LAMA1: variants seen among roughly 807,000 people sequenced by gnomAD.
LAMA1 encodes laminin subunit alpha 1, also known as laminin subunit alpha-1.
A neutral mutation model predicts 348.7 loss-of-function variants in LAMA1; 219 were observed. The ratio of observed to expected loss-of-function variants is 0.63; its 90% confidence interval spans 0.56 to 0.70. LAMA1 has a LOEUF of 0.70. LAMA1 is among the 30% of genes least tolerant of loss of function. The pLI, the probability that LAMA1 is intolerant of heterozygous loss-of-function variation, is 0.00. For missense variants in LAMA1, 3,744 were observed against 3,888.0 expected, an observed-to-expected ratio of 0.96 and a Z score of 0.99; for synonymous variants, 1,487 against 1,491.0, an observed-to-expected ratio of 1.00 and a Z score of 0.06.
In LAMA1 at chr18:6,943,383, T is replaced by C. The variant is rs747807055; in HGVS notation, c.8864A>G (p.Asn2955Ser). ...TGCAGCTGTTATCCTGCCAGCACCA[T>C]TGTTGACATGGAACAAGACCTAAAA... ...VDGKVLFHVN[N>S]GAGRITAAYE... The change falls in exon 62 of 63, where the codon AAT (asparagine) becomes AGT (serine). Residue 2955 changes from asparagine to serine, a missense_variant. Physicochemically the swap from Asn to Ser is conservative, Grantham distance 46. Coordinates refer to ENST00000389658, the MANE Select transcript of LAMA1 (RefSeq NM_005559.4). 1.9e-6 allele frequency: 3 copies of C among 1,614,138 alleles called. No homozygotes were observed. The highest frequency in any genetic ancestry group is 1.3e-5 in the African/African-American group (1 of 75,024).
intron 1 of LAMA1, among the ~76,000 whole-genome samples, chr18:7,099,118 T>C (rs1344358831): frequency 2.0e-5 from 3 of 151,848 alleles, no homozygotes; most frequent in African/African-American, 4.8e-5. Context: ...TTTTGTTCTG[T>C]ACTAAGATAA....
Position 6,982,591 on chromosome 18 carries a change from C to G in LAMA1, c.5797-1G>C. ...CGTTAGAAACAAGGGATTCTGAGAG[C>G]TGGAAAACAGAACCACTTAAGCGTG... is the stretch of plus-strand genomic sequence containing the variant. On this transcript the variant is annotated splice_acceptor_variant, in intron 40 of 62. Coordinates refer to ENST00000389658, the MANE Select transcript of LAMA1 (RefSeq NM_005559.4). LOFTEE classifies it high-confidence loss of function. 1 of 1,613,956 alleles carries G rather than the reference C, an allele frequency of 6.2e-7. No individual in the cohort carries two copies. Among genetic ancestry groups the G allele is most frequent in the Non-Finnish European group, 8.5e-7 (1 of 1,179,866 alleles).
At chr18:7,060,686 G>A (rs1363453515) in intron 3 of LAMA1, among the ~76,000 whole-genome samples, 1 of 152,144 alleles carries the variant, frequency 6.6e-6, no homozygotes, top group Non-Finnish European at 1.5e-5. Flanking sequence ...AACGTAAATA[G>A]TAACCCATGA....
chr18:7,044,761 A>C lies in LAMA1; in HGVS notation c.937T>G (p.Trp313Gly). 1 of 1,614,214 alleles carries C rather than the reference A, an allele frequency of 6.2e-7. No individual in the cohort carries two copies. Among genetic ancestry groups the C allele is most frequent in the East Asian group, 2.2e-5 (1 of 44,876 alleles). The change falls in exon 7 of 63, where the codon TGG becomes GGG. Residue 313 changes from tryptophan to glycine, a missense_variant. Trp to Gly is a radical substitution (Grantham distance 184). This residue lies in a region of LAMA1 where 1,529 missense variants were observed against 1,689.4 expected (regional missense o/e 0.91). Transcript: ENST00000389658. ...CCGGAGGACACGGTTCCCGGCCTCCAGGGCTGCTGATGGTACCCAGGACAG... is the reference window on the plus strand; with the variant it reads ...CCGGAGGACACGGTTCCCGGCCTCCCGGGCTGCTGATGGTACCCAGGACAG... ...RCCPGYHQQP[W>G]RPGTVSSGNT...
chr18:6,986,144 T>C lies in LAMA1; in HGVS notation c.5372A>G (p.Glu1791Gly), dbSNP rs1235944672. The C allele has an allele frequency of 6.2e-7, 1 of 1,614,140 alleles. No individual in the cohort carries two copies. Among genetic ancestry groups the C allele is most frequent in the South Asian group, 1.1e-5 (1 of 91,078 alleles). The change falls in exon 37 of 63, where the codon GAA (glutamate) becomes GGA (glycine). Residue 1791 changes from glutamate (E) to glycine (G), a missense_variant. Glu to Gly is a moderately conservative substitution (Grantham distance 98). Transcript: ENST00000389658. ...AGAGCAAGTGAGACTCACACTGAAT[T>C]CTCTCAGATTAGCATTGACCATGAG... ...LLLMVNANLREFSDKKLHVQE... is the reference protein window; with the variant it reads ...LLLMVNANLRGFSDKKLHVQE...
At chr18:6,982,069 C>A (rs1319997896) in intron 41 of LAMA1, among the ~76,000 whole-genome samples, 3 of 152,040 alleles carry the variant, frequency 2.0e-5, no homozygotes, top group Non-Finnish European at 4.4e-5. Context: ...TAAATGAGAA[C>A]CTACCATGAG....
In LAMA1 at chr18:6,959,372, CT is replaced by C. The variant is rs1441754934; in HGVS notation, c.7746del (p.Ala2583ArgfsTer25). On this transcript the variant is annotated frameshift_variant, in exon 54 of 63. Coordinates refer to ENST00000389658, the MANE Select transcript of LAMA1 (RefSeq NM_005559.4). LOFTEE classifies it high-confidence loss of function. ...HAPTGTCSDG[Q>X]AHSISLVRNR... ...TTCCTGACCAAGGAGATGGAATGCG[CT>C]TGTCCATCACTGCAGGTACCCGTGG... 3.1e-6 allele frequency: 5 copies of C among 1,614,188 alleles called. No individual in the cohort carries two copies. The highest frequency in any genetic ancestry group is 1.7e-5 in the Admixed American group (1 of 60,020).
At chr18:7,014,991 C>T (rs1187235632) in intron 22 of LAMA1, among the ~76,000 whole-genome samples, 2 of 152,000 alleles carry the variant, frequency 1.3e-5, no homozygotes, top group Admixed American at 6.6e-5. Context: ...GGACTACAGG[C>T]GCCCATCACC....
At chr18:6,957,003 C>T in intron 55 of LAMA1, 1 of 503,246 alleles carries the variant, frequency 2.0e-6, no homozygotes, top group Non-Finnish European at 3.6e-6. Context: ...CCATGTCAGA[C>T]CCTGGCCATT....
intron 40 of LAMA1, 63 bp from the exon 41 acceptor site, chr18:6,982,653 G>A (rs1376361856): frequency 7.4e-7 from 1 of 1,343,340 alleles, no homozygotes; most frequent in Non-Finnish European, 1.1e-6. Context: ...GCTGGGGACA[G>A]AGGAAGTGAC....
chr18:6,941,942 C>T lies in LAMA1; in HGVS notation c.*137G>A, dbSNP rs988973624. ...TGTTGCACATGTGGTTTTAGTGTAA[C>T]GTAAACACAACATCTCTCCCCAGAA... is the stretch of plus-strand genomic sequence containing the variant. On this transcript the variant is annotated 3_prime_UTR_variant, in exon 63 of 63. Transcript: ENST00000389658. 13 of 1,083,956 alleles carry T rather than the reference C, an allele frequency of 1.2e-5. No homozygotes were observed. Among genetic ancestry groups the T allele is most frequent in the Middle Eastern group, 2.8e-4 (1 of 3,584 alleles). 67.1% of individuals were successfully genotyped at this position (1,083,956 alleles called of 1,614,324 possible). A position where few individuals can be genotyped will look rare whatever the true frequency, so the allele number is the denominator to read the frequency against.
At position 6,947,250 on chromosome 18, in the gene LAMA1, C is replaced by T. The variant is rs1174100775; in HGVS notation, c.8757G>A (p.Glu2919=). The T allele has an allele frequency of 6.8e-6, 11 of 1,614,000 alleles. No homozygotes were observed. The highest frequency in any genetic ancestry group is 5.9e-6 in the Non-Finnish European group (7 of 1,180,048). ...CGCCATTCTGCGAGGAGGTTCGAAA[C>T]TCCAGTGTGATGTTCACATCTGACT... ...KVQSDVNITL[E]FRTSSQNGVL... Residue 2919 remains glutamate, a synonymous_variant, in exon 61 of 63, where the codon GAG becomes GAA. Transcript: ENST00000389658.
rs1471932431 is a variant in LAMA1, at chr18:7,098,706, C to T, written c.62-18249G>A. 2.0e-5 allele frequency among the ~76,000 whole-genome samples: 3 copies of T among 147,118 alleles called. No homozygotes were observed. The South Asian group carries it at 6.5e-4, about 32-fold the overall frequency. On this transcript the variant is annotated intron_variant, in intron 1 of 62. Transcript: ENST00000389658. ...GTCTCCGCCCGGCAGCCACCCCATCCGGGAGGGAGGTGGGGGGGTCAGCCC... is the reference window on the plus strand; with the variant it reads ...GTCTCCGCCCGGCAGCCACCCCATCTGGGAGGGAGGTGGGGGGGTCAGCCC...
chr18:7,085,674 T>TC (rs2058214109), intron 1 of LAMA1, among the ~76,000 whole-genome samples: 1 of 152,164 alleles, frequency 6.6e-6, no homozygotes. Context: ...CGCCTCAGCC[T>TC]CCCAAAGTGC....
At chr18:7,071,005 G>T (rs2058143801) in intron 3 of LAMA1, among the ~76,000 whole-genome samples, 1 of 151,934 alleles carries the variant, frequency 6.6e-6, no homozygotes, top group Non-Finnish European at 1.5e-5. Context: ...TAGGGGAGAG[G>T]ACCCTACTGA....
At chr18:6,954,941 G>T in intron 57 of LAMA1, 1 of 322,150 alleles carries the variant, frequency 3.1e-6, no homozygotes, top group South Asian at 2.8e-5. Flanking sequence ...AAGGTGCAGA[G>T]AGGGGTGGGT....
chr18:7,107,149 C>CCTTTTTGAG (rs1422976462), intron 1 of LAMA1, among the ~76,000 whole-genome samples: 2 of 143,360 alleles, frequency 1.4e-5, no homozygotes, highest in Non-Finnish European at 3.0e-5. Flanking sequence ...GACGGAGTCT[C>CCTTTTTGAG]ACTCTGTCAC....
rs747028300 is a variant in LAMA1 at position 7,024,480 on chromosome 18, A to G, written c.2403-14T>C. ...GTGGGGCTGAAACTGTCAAAACATT[A>G]GAAATGAACAAAATTTTCCAATGGA... On this transcript the variant is annotated splice_polypyrimidine_tract_variant and intron_variant, in intron 17 of 62. Coordinates refer to ENST00000389658, the MANE Select transcript of LAMA1 (RefSeq NM_005559.4). 1.2e-6 allele frequency: 2 copies of G among 1,607,614 alleles called. No individual in the cohort carries two copies. The highest frequency in any genetic ancestry group is 3.3e-5 in the Admixed American group (2 of 59,844).
At chr18:7,071,007 C>T (rs2058143821) in intron 3 of LAMA1, among the ~76,000 whole-genome samples, 1 of 151,882 alleles carries the variant, frequency 6.6e-6, no homozygotes, top group Non-Finnish European at 1.5e-5. Context: ...GGGGAGAGGA[C>T]CCTACTGAGC....
Sources: allele counts gnomAD v4.1 joint callset (sites outside exome capture counted in the v4.1 genomes callset), GRCh38; gene constraint gnomAD v4.1.1; regional missense constraint gnomAD v4.1.1; transcripts MANE v1.5; gene names NCBI Gene and HGNC (gene_info 2026-07-23, HGNC 2026-07-21).